KAZN: variants seen among roughly 807,000 people sequenced by gnomAD.
KAZN encodes kazrin.
KAZN carries 40 observed loss-of-function variants against 87.4 expected under a neutral mutation model. The observed-to-expected ratio is 0.46, with a 90% confidence interval of 0.36 to 0.60. The LOEUF is 0.60. KAZN is among the 20% of genes least tolerant of loss of function. The probability of loss-of-function intolerance (pLI) is 0.00; values close to 1 mark genes in which losing one functional copy is unlikely to be tolerated. For synonymous variants in KAZN, 466 were observed against 458.3 expected, an observed-to-expected ratio of 1.02 and a Z score of -0.22; for missense variants, 898 against 1,073.9, an observed-to-expected ratio of 0.84 and a Z score of 2.29.
At position 14,938,369 on chromosome 1, in the gene KAZN, G is replaced by A. The variant is rs189489567; in HGVS notation, c.227-22315G>A. Among the ~76,000 whole-genome samples, 480 of 152,028 alleles carry A rather than the reference G, an allele frequency of 3.2e-3. 3 individuals carry two copies. Among genetic ancestry groups the A allele is most frequent in the African/African-American group, 0.011 (464 of 41,462 alleles). The stretch of plus-strand genomic sequence containing the variant: ...CCAGCCTGGCCAAAATGGCAAAACC[G>A]CATCTCTACCAAAAATACAAAAATT... On this transcript the variant is annotated intron_variant, in intron 1 of 14. Transcript: ENST00000376030.
chr1:13,981,095 A>ATATATATATATATATATATATATGTATG (rs1196413078), intron 1 of KAZN, among the ~76,000 whole-genome samples: 1 of 104,244 alleles, frequency 9.6e-6, no homozygotes, highest in Non-Finnish European at 2.0e-5. Context: ...CTCTTTATAT[A>ATATATATATATATATATATATATGTATG]TATATATATA....
intron 2 of KAZN, among the ~76,000 whole-genome samples, chr1:14,483,350 A>AAG (rs1669183919): frequency 2.0e-5 from 3 of 152,192 alleles, no homozygotes; most frequent in Admixed American, 2.0e-4. Flanking sequence ...AAACATCAGC[A>AAG]AGAGGGCCCA....
intron 2 of KAZN, among the ~76,000 whole-genome samples, chr1:14,458,057 C>G (rs1667666991): frequency 6.6e-6 from 1 of 152,148 alleles, no homozygotes. Context: ...CTCCTAACCT[C>G]ATGATCCCCC....
At chr1:14,903,463 C>T (rs1656159844) in intron 1 of KAZN, among the ~76,000 whole-genome samples, 2 of 152,184 alleles carry the variant, frequency 1.3e-5, no homozygotes, top group African/African-American at 4.8e-5. Flanking sequence ...CTGGGGTACT[C>T]TTCCTTTAGC....
chr1:15,061,069 GA>G (rs1638752488), intron 6 of KAZN: 1 of 152,212 alleles, frequency 6.6e-6, no homozygotes, highest in African/African-American at 2.4e-5. Flanking sequence ...AAATGCACGA[GA>G]CGGCTTTTTC....
At chr1:14,750,796 G>A (rs1332989078) in intron 1 of KAZN, among the ~76,000 whole-genome samples, 1 of 152,152 alleles carries the variant, frequency 6.6e-6, no homozygotes, top group African/African-American at 2.4e-5. Context: ...GAGTGTCTAT[G>A]CTTTAGAAAA....
At chr1:14,498,419 C>T (rs1418265101) in intron 2 of KAZN, among the ~76,000 whole-genome samples, 3 of 152,204 alleles carry the variant, frequency 2.0e-5, no homozygotes, top group South Asian at 2.1e-4. Flanking sequence ...AGGCCAGGCA[C>T]GATGGCTCAT....
intron 1 of KAZN, among the ~76,000 whole-genome samples, chr1:13,997,328 T>C (rs1639571725): frequency 6.6e-6 from 1 of 151,954 alleles, no homozygotes; most frequent in Non-Finnish European, 1.5e-5. Context: ...CTCCAAATGA[T>C]TGCAACATCT....
At chr1:14,247,068 T>C (rs1649583134) in intron 2 of KAZN, among the ~76,000 whole-genome samples, 1 of 152,214 alleles carries the variant, frequency 6.6e-6, no homozygotes, top group Admixed American at 6.5e-5. Flanking sequence ...TTTTAATTAC[T>C]TTCCTAATCT....
At chr1:14,372,507 A>T (rs983534027) in intron 2 of KAZN, among the ~76,000 whole-genome samples, 1 of 152,214 alleles carries the variant, frequency 6.6e-6, no homozygotes, top group Admixed American at 6.5e-5. Flanking sequence ...GCTTCTACTC[A>T]TTGGATGCTA....
rs958534796 is a variant in KAZN at position 15,066,300 on chromosome 1, C to G, written c.1222+547C>G. On this transcript the variant is annotated intron_variant, in intron 8 of 14. Coordinates refer to ENST00000376030, the MANE Select transcript of KAZN (RefSeq NM_201628.3). This position sits in a 1 kb window ranked among gnomAD's most constrained non-coding sequence, Gnocchi z 4.3. ...CCAAACCGCTACTCCTGGAGCCCGT[C>G]TGGCAGAGGATGTGGTCTGTTTTTG... The G allele has an allele frequency of 2.0e-6, 2 of 985,866 alleles. No homozygotes were observed. The highest frequency in any genetic ancestry group is 3.5e-5 in the African/African-American group (2 of 57,238). 61.1% of individuals were successfully genotyped at this position (985,866 alleles called of 1,614,324 possible).
chr1:14,456,133 C>T (rs768142679), intron 2 of KAZN, among the ~76,000 whole-genome samples: 4 of 152,318 alleles, frequency 2.6e-5, no homozygotes, highest in Non-Finnish European at 5.9e-5. Flanking sequence ...TGTGCACCTT[C>T]GTATTTGTGT....
chr1:15,008,829 G>A (rs1669294435), intron 2 of KAZN, among the ~76,000 whole-genome samples: 1 of 152,182 alleles, frequency 6.6e-6, no homozygotes, highest in African/African-American at 2.4e-5. Flanking sequence ...CGGCAAGGCT[G>A]AGGTCCCATT....
Position 15,066,120 on chromosome 1 carries a change from CTTTT to C in KAZN, c.1222+369_1222+372del. 13 of 1,099,612 alleles carry C rather than the reference CTTTT, an allele frequency of 1.2e-5. No individual in the cohort carries two copies. Among genetic ancestry groups the C allele is most frequent in the Non-Finnish European group, 1.4e-5 (13 of 903,624 alleles). The allele number at this position is 1,099,612 out of a possible 1,614,324, so 68.1% of individuals were successfully genotyped here. A position where few individuals can be genotyped will look rare whatever the true frequency, so the allele number is the denominator to read the frequency against. On this transcript the variant is annotated intron_variant, in intron 8 of 14. Transcript: ENST00000376030. The surrounding 1 kb of genome is among the most constrained non-coding windows in gnomAD (Gnocchi z 4.3). ...TCTTCAGTGTTTGGTTTTTCTTTTTCTTTTTGTTTGGTTCGTCGGTTTGTTTTTG... is the reference window on the plus strand; with the variant it reads ...TCTTCAGTGTTTGGTTTTTCTTTTTCTGTTTGGTTCGTCGGTTTGTTTTTG...
At chr1:14,125,535 A>G (rs1644845419) in intron 1 of KAZN, among the ~76,000 whole-genome samples, 1 of 152,166 alleles carries the variant, frequency 6.6e-6, no homozygotes, top group South Asian at 2.1e-4. Context: ...GTGAAGACAG[A>G]GGCAGAGAGC....
At chr1:14,535,922 C>T (rs2148487866) in intron 2 of KAZN, among the ~76,000 whole-genome samples, 1 of 152,290 alleles carries the variant, frequency 6.6e-6, no homozygotes, top group South Asian at 2.1e-4. Flanking sequence ...CCCAGATCAC[C>T]AGGGCAACTT....
chr1:15,089,751 AAAAAAAAAAAAG>A, intron 8 of KAZN, among the ~76,000 whole-genome samples: 1 of 148,372 alleles, frequency 6.7e-6, no homozygotes. Flanking sequence ...AAAAAAAAAA[AAAAAAAAAAAAG>A]AGAAGTTCAC....
chr1:14,408,496 C>A (rs752273702), intron 2 of KAZN, among the ~76,000 whole-genome samples: 1 of 151,064 alleles, frequency 6.6e-6, no homozygotes, highest in Non-Finnish European at 1.5e-5. Flanking sequence ...ATTTTCTCAC[C>A]GTTGTCAAGG....
chr1:14,173,584 C>T lies in KAZN; in HGVS notation c.92-6851C>T, dbSNP rs541419377. ...GCCGGAACTATTGAGAAAGAGATAG[C>T]TAACCTCTCTTTTTCAGCTGGGAGT... On this transcript the variant is annotated intron_variant, in intron 1 of 16. Coordinates refer to the KAZN transcript ENST00000636203. 2.2e-3 allele frequency among the ~76,000 whole-genome samples: 331 copies of T among 152,308 alleles called. 2 individuals are homozygous for T. The highest frequency in any genetic ancestry group is 3.7e-3 in the Non-Finnish European group (253 of 68,022).
Sources: gnomAD v4.1 joint callset for allele counts (sites outside exome capture counted in the v4.1 genomes callset) on GRCh38, gnomAD v4.1.1 for gene constraint, Gnocchi (gnomAD v3.1) non-coding constraint, MANE v1.5 for transcripts, NCBI Gene and HGNC (gene_info 2026-07-23, HGNC 2026-07-21) for gene names.